The following C5orf52 variants were observed in gnomAD, a reference collection of about 807,000 sequenced individuals.
The protein encoded by C5orf52 is chromosome 5 open reading frame 52.
Under a neutral mutation model 16.8 loss-of-function variants are expected in C5orf52, and 15 were observed. That is an observed-to-expected ratio of 0.89 (90% CI 0.60 to 1.38). The LOEUF (loss-of-function observed/expected upper bound fraction) is 1.38. C5orf52 is among the 40% of genes most tolerant of loss of function. C5orf52 has a pLI of 0.00. For missense variants in C5orf52, 206 were observed against 213.1 expected (o/e 0.97, Z 0.21); for synonymous variants, 83 against 87.2 (o/e 0.95, Z 0.27).
rs141674948 is a variant in C5orf52, at chr5:157,672,816, C to T, written c.212+990C>T. ...GATTACAGGCGTGCACCACCATGCTCGGCTAATTTTTGTATTATTAGTAGA... is the reference window on the plus strand; with the variant it reads ...GATTACAGGCGTGCACCACCATGCTTGGCTAATTTTTGTATTATTAGTAGA... On this transcript the variant is annotated intron_variant, in intron 1 of 2. Transcript: ENST00000409999. 8.2e-3 allele frequency among the ~76,000 whole-genome samples: 1,240 copies of T among 152,086 alleles called. 13 individuals carry two copies. Among genetic ancestry groups the T allele is most frequent in the African/African-American group, 0.027 (1,129 of 41,484 alleles).
intron 2 of C5orf52, among the ~76,000 whole-genome samples, chr5:157,675,564 G>A (rs949166106): frequency 4.6e-5 from 7 of 152,058 alleles, no homozygotes; most frequent in African/African-American, 1.7e-4. Flanking sequence ...AGCACTTTGG[G>A]AGGCTGAGGC....
chr5:157,671,240 C>T (rs1163736428), upstream of C5orf52: 1 of 237,716 alleles, frequency 4.2e-6, no homozygotes, highest in Non-Finnish European at 8.1e-6. Flanking sequence ...CTGAGCAGCC[C>T]CACCCTGGCT....
intron 2 of C5orf52, among the ~76,000 whole-genome samples, chr5:157,677,520 G>A (rs1012865434): frequency 2.6e-5 from 4 of 152,092 alleles, no homozygotes; most frequent in Non-Finnish European, 4.4e-5. Flanking sequence ...CAGGTGTGGT[G>A]GCACATGCCT....
At chr5:157,675,417 G>T (rs954958750) in intron 2 of C5orf52, among the ~76,000 whole-genome samples, 3 of 152,166 alleles carry the variant, frequency 2.0e-5, no homozygotes, top group Non-Finnish European at 4.4e-5. Context: ...CAGAGAGAAA[G>T]ACTCCATGTC....
Position 157,674,558 on chromosome 5 carries a change from A to G in C5orf52, c.213-534A>G, listed in dbSNP as rs558222993. Among the ~76,000 whole-genome samples the G allele has an allele frequency of 1.7e-3, 253 of 152,288 alleles. 2 individuals carry two copies. The highest frequency in any genetic ancestry group is 5.4e-3 in the African/African-American group (223 of 41,554). On this transcript the variant is annotated intron_variant, in intron 1 of 2. Coordinates refer to ENST00000409999, the MANE Select transcript of C5orf52 (RefSeq NM_001145132.2). ...TGAGGTGGGTGTATCTCTTGAGGTCAGGAGTTTGAACCCAGCCTGTCCAAC... is the reference window on the plus strand; with the variant it reads ...TGAGGTGGGTGTATCTCTTGAGGTCGGGAGTTTGAACCCAGCCTGTCCAAC...
At chr5:157,673,071 C>G (rs1759827121) in intron 1 of C5orf52, among the ~76,000 whole-genome samples, 1 of 151,774 alleles carries the variant, frequency 6.6e-6, no homozygotes, top group Admixed American at 6.6e-5. Context: ...GGTGCAGTGG[C>G]TCATGCCTGT....
chr5:157,675,522 G>A (rs1449168198), intron 2 of C5orf52, among the ~76,000 whole-genome samples: 1 of 152,078 alleles, frequency 6.6e-6, no homozygotes, highest in Non-Finnish European at 1.5e-5. Context: ...TTGGGTCCTA[G>A]GCCACACGCA....
intron 2 of C5orf52, 124 bp downstream of exon 2, chr5:157,675,324 G>T: frequency 1.6e-6 from 1 of 623,422 alleles, no homozygotes; most frequent in Non-Finnish European, 2.8e-6. Flanking sequence ...TCTAAGGCAG[G>T]CCCCATTTTA....
intron 2 of C5orf52, among the ~76,000 whole-genome samples, chr5:157,677,474 G>A (rs568425929): frequency 5.9e-4 from 89 of 151,440 alleles, no homozygotes; most frequent in African/African-American, 2.0e-3. Flanking sequence ...TGACCAACAC[G>A]GAGAAACCCC....
chr5:157,678,692 C>T (rs1717499867), intron 2 of C5orf52, among the ~76,000 whole-genome samples: 1 of 152,248 alleles, frequency 6.6e-6, no homozygotes, highest in Admixed American at 6.5e-5. Flanking sequence ...AACTCCTGGC[C>T]TCAAGTGAGC....
At chr5:157,677,987 CA>C (rs879784481) in intron 2 of C5orf52, among the ~76,000 whole-genome samples, 54 of 139,480 alleles carry the variant, frequency 3.9e-4, no homozygotes, top group Non-Finnish European at 6.3e-4. Flanking sequence ...GACCCTGTCT[CA>C]AAAAAAAAAG....
chr5:157,679,940 A>C lies in C5orf52; in HGVS notation c.421A>C (p.Arg141=), dbSNP rs755961594. 1.3e-6 allele frequency: 2 copies of C among 1,551,754 alleles called. No homozygotes were observed. The highest frequency in any genetic ancestry group is 3.9e-5 in the Admixed American group (2 of 50,996). Residue 141 remains arginine (R), a synonymous_variant, in exon 3 of 3, where the codon AGA becomes CGA. Coordinates refer to ENST00000409999, the MANE Select transcript of C5orf52 (RefSeq NM_001145132.2). ...GCAGCTCAGAAAGCTCGGGCGATGG[A>C]GAGAGGAATCCGTGAACAGCAACCG... ...TEQLRKLGRW[R]EESVNSNRYL... is the part of the protein sequence containing the mutation.
intron 1 of C5orf52, among the ~76,000 whole-genome samples, chr5:157,673,062 G>C (rs1759826823): frequency 6.6e-6 from 1 of 151,938 alleles, no homozygotes; most frequent in South Asian, 2.1e-4. Context: ...ATAAGGCCAG[G>C]TGCAGTGGCT....
intron 1 of C5orf52, among the ~76,000 whole-genome samples, chr5:157,673,403 C>T (rs949171226): frequency 6.6e-6 from 1 of 151,818 alleles, no homozygotes; most frequent in South Asian, 2.1e-4. Flanking sequence ...GGGACAATCA[C>T]CGTTAACATT....
chr5:157,679,775 T>A, intron 2 of C5orf52, 66 bp from the exon 3 acceptor site: 1 of 1,451,262 alleles, frequency 6.9e-7, no homozygotes, highest in Non-Finnish European at 9.2e-7. Flanking sequence ...TCTGCCCTGC[T>A]GCGAAGTAAT....
In C5orf52 at chr5:157,675,096, A is replaced by G; in HGVS notation, c.217A>G (p.Met73Val). Residue 73 changes from methionine (M) to valine (V), a missense_variant, in exon 2 of 3, where the codon ATG becomes GTG. Transcript: ENST00000409999. ...SAQQPVLFSLMNSSEAAMKKT... is the reference protein window; with the variant it reads ...SAQQPVLFSLVNSSEAAMKKT... ...ACCTTTCCCTCCCTGCTCCAGCTTAATGAATTCCAGTGAAGCAGCGATGAA... is the reference window on the plus strand; with the variant it reads ...ACCTTTCCCTCCCTGCTCCAGCTTAGTGAATTCCAGTGAAGCAGCGATGAA... The G allele has an allele frequency of 6.5e-7, 1 of 1,549,760 alleles. No individual in the cohort carries two copies.
intron 2 of C5orf52, among the ~76,000 whole-genome samples, chr5:157,675,715 C>G (rs781280073): frequency 6.6e-6 from 1 of 152,062 alleles, no homozygotes; most frequent in Non-Finnish European, 1.5e-5. Flanking sequence ...TCTCAAAAAA[C>G]AAACAAACAA....
At chr5:157,679,040 A>G (rs1490741061) in intron 2 of C5orf52, among the ~76,000 whole-genome samples, 1 of 151,940 alleles carries the variant, frequency 6.6e-6, no homozygotes, top group Admixed American at 6.6e-5. Context: ...AGGCTGAGGC[A>G]GGAGAATGGT....
At chr5:157,671,486 TC>T, upstream of C5orf52, 1 of 724,158 alleles carries the variant, frequency 1.4e-6, no homozygotes, top group Non-Finnish European at 2.3e-6. Flanking sequence ...AATATGTGTC[TC>T]CCAGGCAACG....
Sources: gnomAD v4.1 joint callset for allele counts (sites outside exome capture counted in the v4.1 genomes callset) on GRCh38, gnomAD v4.1.1 for gene constraint, MANE v1.5 for transcripts, NCBI Gene and HGNC (gene_info 2026-07-23, HGNC 2026-07-21) for gene names.